The following CDH12 variants were observed in gnomAD, a reference collection of about 807,000 sequenced individuals.
The protein encoded by CDH12 is cadherin-12.
A neutral mutation model predicts 74.1 loss-of-function variants in CDH12; 41 were observed. The observed-to-expected ratio is 0.55, with a 90% CI of 0.43 to 0.72. The LOEUF is 0.72. Ranked by LOEUF, CDH12 falls within the 30% of genes least tolerant of loss-of-function variation. The pLI, the probability that CDH12 is intolerant of heterozygous loss-of-function variation, is 0.00. For missense variants in CDH12, 945 were observed against 977.2 expected (o/e 0.97, Z 0.44); for synonymous variants, 399 against 355.0 (o/e 1.12, Z -1.39).
At chr5:22,270,568 C>T (rs1484727450) in intron 3 of CDH12, among the ~76,000 whole-genome samples, 1 of 146,416 alleles carries the variant, frequency 6.8e-6, no homozygotes, top group Non-Finnish European at 1.5e-5. Flanking sequence ...GCACTTCTGC[C>T]TAGGCGGCAG....
chr5:21,913,089 G>A (rs566952992), intron 6 of CDH12, among the ~76,000 whole-genome samples: 2 of 152,076 alleles, frequency 1.3e-5, no homozygotes, highest in African/African-American at 4.8e-5. Context: ...GTGATCTGCC[G>A]GCCTTGGCCT....
intron 6 of CDH12, among the ~76,000 whole-genome samples, chr5:21,887,699 C>G (rs1037011445): frequency 4.6e-5 from 7 of 152,200 alleles, no homozygotes; most frequent in Admixed American, 1.3e-4. Context: ...CCTCCAGGTC[C>G]TTCATATATG....
chr5:22,296,329 T>C (rs1737622139), intron 3 of CDH12, among the ~76,000 whole-genome samples: 1 of 152,034 alleles, frequency 6.6e-6, no homozygotes, highest in African/African-American at 2.4e-5. Context: ...CAGAGACCTA[T>C]TCCAAAACGT....
intron 5 of CDH12, among the ~76,000 whole-genome samples, chr5:22,023,804 G>A (rs936839324): frequency 1.3e-5 from 2 of 152,116 alleles, no homozygotes; most frequent in African/African-American, 4.8e-5. Context: ...CACTAAGCTG[G>A]TTATGTGTTT....
At chr5:22,632,192 C>G (rs1241825900) in intron 1 of CDH12, among the ~76,000 whole-genome samples, 1 of 152,044 alleles carries the variant, frequency 6.6e-6, no homozygotes, top group Non-Finnish European at 1.5e-5. Flanking sequence ...CAAACCTACA[C>G]ATACACCTCT....
chr5:22,104,014 A>T (rs900831489), intron 4 of CDH12, among the ~76,000 whole-genome samples: 1 of 152,194 alleles, frequency 6.6e-6, no homozygotes, highest in Non-Finnish European at 1.5e-5. Flanking sequence ...ATTCACTGAA[A>T]TTAAACAAAG....
intron 3 of CDH12, among the ~76,000 whole-genome samples, chr5:22,392,038 T>G (rs1181584309): frequency 6.6e-6 from 1 of 152,146 alleles, no homozygotes. Context: ...AACTTGTTCT[T>G]TACTTCTCCT....
At chr5:22,284,275 C>T (rs1737042645) in intron 3 of CDH12, among the ~76,000 whole-genome samples, 1 of 152,074 alleles carries the variant, frequency 6.6e-6, no homozygotes, top group Non-Finnish European at 1.5e-5. Context: ...AATACTACCA[C>T]AAAACTTAGG....
intron 1 of CDH12, among the ~76,000 whole-genome samples, chr5:22,569,010 A>G (rs1175368986): frequency 3.3e-5 from 5 of 152,184 alleles, no homozygotes; most frequent in Non-Finnish European, 7.3e-5. Flanking sequence ...ACAATTTCTT[A>G]AAATAAGACA....
chr5:22,387,178 A>G (rs1742033028), intron 3 of CDH12, among the ~76,000 whole-genome samples: 2 of 152,008 alleles, frequency 1.3e-5, no homozygotes, highest in Non-Finnish European at 2.9e-5. Context: ...AAACTCTTTG[A>G]ACTTCTAACA....
chr5:22,271,506 A>T (rs143691952), intron 3 of CDH12, among the ~76,000 whole-genome samples: 1 of 152,338 alleles, frequency 6.6e-6, no homozygotes, highest in East Asian at 1.9e-4. Flanking sequence ...TCCAAAAAAC[A>T]CAAATGTTCT....
chr5:21,773,388 G>A (rs1390691341), intron 11 of CDH12, among the ~76,000 whole-genome samples: 1 of 152,146 alleles, frequency 6.6e-6, no homozygotes, highest in Admixed American at 6.6e-5. Flanking sequence ...AGTGGGGTTA[G>A]GATAAAAGAA....
At chr5:21,881,721 T>C (rs1198283850) in intron 6 of CDH12, among the ~76,000 whole-genome samples, 2 of 152,206 alleles carry the variant, frequency 1.3e-5, no homozygotes, top group Non-Finnish European at 2.9e-5. Context: ...TGATACAAAA[T>C]GGTTACTAAT....
chr5:22,443,359 T>C (rs1352554827), intron 2 of CDH12, among the ~76,000 whole-genome samples: 1 of 152,134 alleles, frequency 6.6e-6, no homozygotes, highest in Non-Finnish European at 1.5e-5. Context: ...CAGAATGTCA[T>C]ATGTAAGATA....
At chr5:22,633,924 TTATAA>T in intron 1 of CDH12, among the ~76,000 whole-genome samples, 1 of 152,280 alleles carries the variant, frequency 6.6e-6, no homozygotes, top group Admixed American at 6.5e-5. Flanking sequence ...ACGGATGGGA[TTATAA>T]TATATTAGCA....
rs1386116555 is a variant in CDH12 at position 22,394,906 on chromosome 5, G to A, written c.-333+10351C>T. Among the ~76,000 whole-genome samples, 3 of 152,074 alleles carry A rather than the reference G, an allele frequency of 2.0e-5. No homozygotes were observed. The East Asian group carries it at 5.8e-4, about 29-fold the overall frequency. On this transcript the variant is annotated intron_variant, in intron 3 of 14. Coordinates refer to ENST00000382254, the MANE Select transcript of CDH12 (RefSeq NM_004061.5). ...TAAATTTAGAGTTTGTGCTATAATG[G>A]ATTTAGACTTCCAAGTATGCCGGGA...
chr5:22,513,505 C>T (rs577865402), intron 1 of CDH12, among the ~76,000 whole-genome samples: 1 of 152,314 alleles, frequency 6.6e-6, no homozygotes, highest in Non-Finnish European at 1.5e-5. Flanking sequence ...TCAGATTCTA[C>T]AGCATCTGAG....
intron 2 of CDH12, among the ~76,000 whole-genome samples, chr5:22,413,556 T>C (rs1743252697): frequency 6.6e-6 from 1 of 151,994 alleles, no homozygotes; most frequent in African/African-American, 2.4e-5. Context: ...GAAAAGTGAA[T>C]AAACGGGCAG....
At chr5:22,358,515 C>A (rs1740662508) in intron 3 of CDH12, among the ~76,000 whole-genome samples, 1 of 152,170 alleles carries the variant, frequency 6.6e-6, no homozygotes, top group African/African-American at 2.4e-5. Context: ...TTTAACACTT[C>A]ACTGACAATC....
Sources: allele counts gnomAD v4.1 joint callset (sites outside exome capture counted in the v4.1 genomes callset), GRCh38; gene constraint gnomAD v4.1.1; transcripts MANE v1.5; gene names NCBI Gene and HGNC (gene_info 2026-07-23, HGNC 2026-07-21).